The following ACTR3C variants were observed in gnomAD, a reference collection of about 807,000 sequenced individuals.
The protein encoded by ACTR3C is actin related protein 3C.
In ACTR3C, 18 loss-of-function variants were observed where a neutral mutation model predicts 26.3. The observed-to-expected ratio is 0.68, with a 90% CI of 0.47 to 1.01. The LOEUF is 1.01. Ranked by LOEUF, ACTR3C falls within the 50% of genes least tolerant of loss-of-function variation. The probability of loss-of-function intolerance (pLI) is 0.00; values close to 1 mark genes in which losing one functional copy is unlikely to be tolerated. For missense variants in ACTR3C, 184 were observed against 250.7 expected, an observed-to-expected ratio of 0.73 and a Z score of 1.80; for synonymous variants, 55 against 94.5, an observed-to-expected ratio of 0.58 and a Z score of 2.42.
chr7:150,068,401 C>T, the ACTR3C span, among the ~76,000 whole-genome samples: 3 of 152,302 alleles, frequency 2.0e-5, no homozygotes, highest in South Asian at 2.1e-4. Flanking sequence ...CCACCTGCAA[C>T]GTCCTTGTCC....
the ACTR3C span, among the ~76,000 whole-genome samples, chr7:150,206,459 G>A: frequency 1.3e-5 from 2 of 152,046 alleles, no homozygotes; most frequent in African/African-American, 4.8e-5. Context: ...TGTTGCCCAA[G>A]CTGGCATGAA....
chr7:150,246,124 T>A (rs2533392), downstream of ACTR3C: 1 of 151,958 alleles, frequency 6.6e-6, no homozygotes, highest in African/African-American at 2.4e-5. Flanking sequence ...GGAGGAAAGA[T>A]TGTGTCATTT....
the ACTR3C span, among the ~76,000 whole-genome samples, chr7:149,907,478 TTCTCTCTC>T: frequency 1.8e-4 from 18 of 97,688 alleles, no homozygotes; most frequent in African/African-American, 5.7e-4. Flanking sequence ...CTCTCTTCTC[TTCTCTCTC>T]TCTCTCTCTC....
chr7:149,916,963 T>A, the ACTR3C span, among the ~76,000 whole-genome samples: 1 of 152,204 alleles, frequency 6.6e-6, no homozygotes, highest in Non-Finnish European at 1.5e-5. Context: ...TAAAAAGGTA[T>A]CCTTTAAGAA....
the ACTR3C span, among the ~76,000 whole-genome samples, chr7:149,933,365 G>A: frequency 6.6e-6 from 1 of 151,410 alleles, no homozygotes; most frequent in Non-Finnish European, 1.5e-5. Flanking sequence ...TCAGGACACT[G>A]ATGATTTACA....
chr7:149,991,130 C>T, the ACTR3C span, among the ~76,000 whole-genome samples: 7 of 152,184 alleles, frequency 4.6e-5, no homozygotes, highest in Non-Finnish European at 8.8e-5. Flanking sequence ...ACGTCTTACA[C>T]GGCAGCAGAC....
chr7:150,311,363 A>G (rs1184759483), intron 1 of ACTR3C, among the ~76,000 whole-genome samples: 4 of 152,146 alleles, frequency 2.6e-5, no homozygotes, highest in Non-Finnish European at 5.9e-5. Flanking sequence ...CCTCATGTCT[A>G]CTTGCAGTGG....
the ACTR3C span, among the ~76,000 whole-genome samples, chr7:150,185,279 G>A: frequency 5.9e-5 from 3 of 50,522 alleles, no homozygotes; most frequent in Admixed American, 3.8e-4. Flanking sequence ...TGTCAGGCGT[G>A]TGTGTGTGTG....
chr7:150,321,540 G>A (rs1413220344), intron 1 of ACTR3C, among the ~76,000 whole-genome samples: 5 of 152,182 alleles, frequency 3.3e-5, no homozygotes, highest in African/African-American at 1.2e-4. Flanking sequence ...AGGAGTTTGA[G>A]ACCACCCTGG....
the ACTR3C span, among the ~76,000 whole-genome samples, chr7:149,988,074 C>T: frequency 0.014 from 2,110 of 152,262 alleles, 65 homozygotes; most frequent in African/African-American, 0.048. Flanking sequence ...TTGGTGGTAA[C>T]GTATATTTCA....
chr7:150,110,238 C>G, the ACTR3C span, among the ~76,000 whole-genome samples: 1 of 151,494 alleles, frequency 6.6e-6, no homozygotes, highest in South Asian at 2.1e-4. Flanking sequence ...AAACTGATTG[C>G]AATTCCCTGG....
chr7:149,996,066 C>T, the ACTR3C span, among the ~76,000 whole-genome samples: 4 of 151,780 alleles, frequency 2.6e-5, no homozygotes, highest in South Asian at 2.1e-4. Context: ...TAACTGCTGG[C>T]GTGGGGAGGG....
At chr7:150,275,320 C>T (rs1355986709) in intron 6 of ACTR3C, among the ~76,000 whole-genome samples, 1 of 152,346 alleles carries the variant, frequency 6.6e-6, no homozygotes, top group African/African-American at 2.4e-5. Context: ...CAACATAATG[C>T]TGTTAATACA....
chr7:149,976,786 A>T, the ACTR3C span, among the ~76,000 whole-genome samples: 1 of 152,182 alleles, frequency 6.6e-6, no homozygotes, highest in Non-Finnish European at 1.5e-5. Flanking sequence ...ATTATAGAGT[A>T]ACAACCTTTT....
the ACTR3C span, among the ~76,000 whole-genome samples, chr7:150,046,905 G>A: frequency 6.6e-6 from 1 of 151,608 alleles, no homozygotes; most frequent in Non-Finnish European, 1.5e-5. Context: ...CACTGAACAC[G>A]GTCTAAGGCA....
the ACTR3C span, among the ~76,000 whole-genome samples, chr7:150,031,072 C>A: frequency 6.6e-6 from 1 of 152,174 alleles, no homozygotes; most frequent in African/African-American, 2.4e-5. Context: ...GCCTGGCCAA[C>A]ATAGTGAAAC....
chr7:150,237,116 C>A, the ACTR3C span, among the ~76,000 whole-genome samples: 1 of 151,980 alleles, frequency 6.6e-6, no homozygotes, highest in Non-Finnish European at 1.5e-5. Flanking sequence ...TGACTGTGCT[C>A]TGTCTTTGGA....
chr7:149,987,513 A>G, the ACTR3C span, among the ~76,000 whole-genome samples: 1 of 148,076 alleles, frequency 6.8e-6, no homozygotes, highest in African/African-American at 2.5e-5. Flanking sequence ...GTTGCAATGA[A>G]CTGAGATTGT....
chr7:149,937,493 A>T, the ACTR3C span, among the ~76,000 whole-genome samples: 7 of 152,140 alleles, frequency 4.6e-5, no homozygotes, highest in African/African-American at 1.7e-4. Flanking sequence ...TACTGCTGAA[A>T]ATCCACCAAA....
Sources: gnomAD v4.1 joint callset for allele counts (sites outside exome capture counted in the v4.1 genomes callset) on GRCh38, gnomAD v4.1.1 for gene constraint, MANE v1.5 for transcripts, NCBI Gene and HGNC (gene_info 2026-07-23, HGNC 2026-07-21) for gene names.